The following MEI4 variants were observed in gnomAD, a reference collection of about 807,000 sequenced individuals.
MEI4 encodes the protein meiotic double-stranded break formation protein 4, also known as meiosis-specific protein MEI4.
MEI4 carries 27 observed loss-of-function variants against 31.4 expected under a neutral mutation model. That is an observed-to-expected ratio of 0.86 (90% CI 0.63 to 1.19). The LOEUF is 1.19. Among genes scored for constraint, MEI4 ranks in the 50% most tolerant of loss-of-function variants. MEI4 has a pLI of 0.00. For missense variants in MEI4, 329 were observed against 398.9 expected (o/e 0.82, Z 1.49); for synonymous variants, 122 against 145.4 (o/e 0.84, Z 1.16).
intron 1 of MEI4, among the ~76,000 whole-genome samples, chr6:77,680,486 C>T (rs1428700488): frequency 6.6e-6 from 1 of 152,010 alleles, no homozygotes; most frequent in Non-Finnish European, 1.5e-5. Context: ...AACCTGGAAA[C>T]TAGAGGACCA....
intron 3 of MEI4, among the ~76,000 whole-genome samples, chr6:77,792,762 G>T (rs538068591): frequency 6.6e-6 from 1 of 151,816 alleles, no homozygotes; most frequent in East Asian, 1.9e-4. Flanking sequence ...GCACAGGCTG[G>T]AGTGCAGTGG....
intron 3 of MEI4, among the ~76,000 whole-genome samples, chr6:77,797,528 TAA>T (rs1470874327): frequency 6.6e-6 from 1 of 152,070 alleles, no homozygotes; most frequent in Non-Finnish European, 1.5e-5. Flanking sequence ...AGTGTGAGTC[TAA>T]AAGCCTCAAA....
rs573913684 is a variant in MEI4 at position 77,820,424 on chromosome 6, C to T, written c.769-8507C>T. On this transcript the variant is annotated intron_variant, in intron 3 of 4. Coordinates refer to ENST00000684080, the MANE Select transcript of MEI4 (RefSeq NM_001322247.2). This position sits in a 1 kb window ranked among gnomAD's most constrained non-coding sequence, Gnocchi z 4.5. ...CTACAGGCACACGCCACCATGCCCC[C>T]CTGGCTAATTTTGTGTATTTTAGTA... is the stretch of plus-strand genomic sequence containing the variant. Among the ~76,000 whole-genome samples, 9 of 150,786 alleles carry T rather than the reference C, an allele frequency of 6.0e-5. No homozygotes were observed. In the East Asian group the frequency reaches 1.4e-3, roughly 23 times the overall value.
intron 3 of MEI4, among the ~76,000 whole-genome samples, chr6:77,792,041 G>A (rs1004392125): frequency 6.6e-6 from 1 of 152,122 alleles, no homozygotes; most frequent in Non-Finnish European, 1.5e-5. Flanking sequence ...AGATTATAGG[G>A]TATTTGTCTT....
chr6:77,895,142 G>A (rs567896511), intron 4 of MEI4, among the ~76,000 whole-genome samples: 80 of 152,088 alleles, frequency 5.3e-4, no homozygotes, highest in Admixed American at 9.2e-4. Context: ...ATGTCTATAC[G>A]TATCTTCTTT....
intron 4 of MEI4, among the ~76,000 whole-genome samples, chr6:77,917,881 T>C (rs1359459093): frequency 1.4e-5 from 2 of 148,092 alleles, no homozygotes; most frequent in Non-Finnish European, 3.0e-5. Context: ...GGTTTTCTTC[T>C]AGGGTTTTTA....
At chr6:77,761,962 TTTTCTG>T (rs1158209231) in intron 3 of MEI4, among the ~76,000 whole-genome samples, 65 of 152,322 alleles carry the variant, frequency 4.3e-4, no homozygotes, top group African/African-American at 1.5e-3. Context: ...ATGTTTTCCC[TTTTCTG>T]TTTCTATTTC....
At chr6:77,695,278 T>C (rs2127653794) in intron 2 of MEI4, among the ~76,000 whole-genome samples, 1 of 152,184 alleles carries the variant, frequency 6.6e-6, no homozygotes, top group South Asian at 2.1e-4. Context: ...TTAGATCCCA[T>C]TTGTCAATTT....
chr6:77,916,210 C>A (rs950418772), intron 4 of MEI4, among the ~76,000 whole-genome samples: 2 of 151,826 alleles, frequency 1.3e-5, no homozygotes, highest in Non-Finnish European at 2.9e-5. Flanking sequence ...TCTCACTGAG[C>A]TTTTTTTAAA....
intron 2 of MEI4, among the ~76,000 whole-genome samples, chr6:77,746,984 A>G (rs1237215450): frequency 6.6e-6 from 1 of 152,138 alleles, no homozygotes. Context: ...ATTTGGTTCT[A>G]TGAGTGTATT....
intron 3 of MEI4, among the ~76,000 whole-genome samples, chr6:77,794,584 A>T (rs1000583822): frequency 6.6e-6 from 1 of 151,980 alleles, no homozygotes; most frequent in Non-Finnish European, 1.5e-5. Flanking sequence ...AAAACCTAAC[A>T]TCAAAGCACG....
At chr6:77,900,086 C>T (rs550622097) in intron 4 of MEI4, among the ~76,000 whole-genome samples, 1 of 151,772 alleles carries the variant, frequency 6.6e-6, no homozygotes, top group East Asian at 1.9e-4. Context: ...ATGAAGAAAC[C>T]CACAATGAGA....
chr6:77,668,017 G>C (rs1026161823), intron 1 of MEI4, among the ~76,000 whole-genome samples: 1 of 150,652 alleles, frequency 6.6e-6, no homozygotes, highest in Non-Finnish European at 1.5e-5. Flanking sequence ...TCACCACCGA[G>C]ACCTGACAGT....
chr6:77,711,596 C>T (rs1353862452), intron 2 of MEI4, among the ~76,000 whole-genome samples: 1 of 152,116 alleles, frequency 6.6e-6, no homozygotes, highest in Non-Finnish European at 1.5e-5. Flanking sequence ...CTGGAGGTGT[C>T]TCTGTGCATA....
At chr6:77,846,803 T>G (rs1427216125) in intron 4 of MEI4, among the ~76,000 whole-genome samples, 1 of 152,158 alleles carries the variant, frequency 6.6e-6, no homozygotes, top group Non-Finnish European at 1.5e-5. Context: ...ACAGAGAAAC[T>G]GGAGTCTAAG....
chr6:77,879,169 A>C (rs574996346), intron 4 of MEI4, among the ~76,000 whole-genome samples: 1 of 149,664 alleles, frequency 6.7e-6, no homozygotes, highest in East Asian at 1.9e-4. Context: ...TAAAATAAAA[A>C]TCATGTAAAT....
intron 1 of MEI4, among the ~76,000 whole-genome samples, chr6:77,679,579 C>G (rs1434958624): frequency 6.6e-6 from 1 of 151,674 alleles, no homozygotes; most frequent in Non-Finnish European, 1.5e-5. Flanking sequence ...CATGATTATA[C>G]TTGTCTAGGA....
intron 3 of MEI4, among the ~76,000 whole-genome samples, chr6:77,768,529 G>T (rs1045566799): frequency 2.0e-5 from 3 of 151,976 alleles, no homozygotes; most frequent in Admixed American, 1.3e-4. Flanking sequence ...GGAAAACCCT[G>T]TCTCTACTAA....
intron 1 of MEI4, among the ~76,000 whole-genome samples, chr6:77,679,060 T>TA (rs887921649): frequency 1.3e-5 from 2 of 152,088 alleles, no homozygotes; most frequent in African/African-American, 2.4e-5. Context: ...TAAGTGTAAT[T>TA]AAAAAAAAGT....
Sources: gnomAD v4.1 joint callset for allele counts (sites outside exome capture counted in the v4.1 genomes callset) on GRCh38, gnomAD v4.1.1 for gene constraint, Gnocchi (gnomAD v3.1) non-coding constraint, MANE v1.5 for transcripts, NCBI Gene and HGNC (gene_info 2026-07-23, HGNC 2026-07-21) for gene names.